CDYL: variants seen among roughly 807,000 people sequenced by gnomAD.
The protein encoded by CDYL is chromodomain Y-like protein.
In CDYL, 8 loss-of-function variants were observed where a neutral mutation model predicts 47.3. The ratio of observed to expected loss-of-function variants is 0.17; its 90% CI spans 0.10 to 0.31. The LOEUF is 0.31. Among genes scored for constraint, CDYL ranks in the 10% least tolerant of loss-of-function variants. The probability of loss-of-function intolerance (pLI) is 1.00; values close to 1 mark genes in which losing one functional copy is unlikely to be tolerated. For synonymous variants in CDYL, 266 were observed against 265.0 expected (o/e 1.00, Z -0.04); for missense variants, 471 against 701.4 (o/e 0.67, Z 3.71).
chr6:4,806,501 A>ACC (rs1254037601), intron 1 of CDYL, among the ~76,000 whole-genome samples: 1 of 152,220 alleles, frequency 6.6e-6, no homozygotes, highest in Non-Finnish European at 1.5e-5. Context: ...ATTCTCAAAT[A>ACC]CCACTCCTCC....
chr6:4,750,079 C>A (rs1253746151), intron 3 of CDYL, among the ~76,000 whole-genome samples: 7 of 152,126 alleles, frequency 4.6e-5, no homozygotes, highest in Non-Finnish European at 1.0e-4. Flanking sequence ...TGGCTCACCC[C>A]TGTAATCTCA....
chr6:4,780,396 A>ACC (rs1561847017), intron 1 of CDYL, among the ~76,000 whole-genome samples: 1 of 7,380 alleles, frequency 1.4e-4, no homozygotes, highest in Non-Finnish European at 3.0e-4. Flanking sequence ...ACCCCCGCCT[A>ACC]CGCCCCCCCC....
At chr6:4,839,111 AC>A (rs1174127087) in intron 1 of CDYL, among the ~76,000 whole-genome samples, 4 of 152,090 alleles carry the variant, frequency 2.6e-5, no homozygotes, top group Admixed American at 6.5e-5. Context: ...TTCGATTATG[AC>A]CATCTTGCAG....
At chr6:4,734,837 C>G (rs28360500) in exon 3 of CDYL, 422,928 of 1,613,536 alleles carry the variant, frequency 0.26, 56,668 homozygotes, top group Admixed American at 0.35. Context: ...CAGCCTCCCG[C>G]TTTACAGGTA....
chr6:4,823,609 T>C (rs1161725948), intron 1 of CDYL, among the ~76,000 whole-genome samples: 1 of 152,116 alleles, frequency 6.6e-6, no homozygotes, highest in Non-Finnish European at 1.5e-5. Flanking sequence ...GTAAAATGTA[T>C]GTAACCTAAC....
At chr6:4,800,589 T>C (rs547171685) in intron 1 of CDYL, among the ~76,000 whole-genome samples, 82 of 152,314 alleles carry the variant, frequency 5.4e-4, no homozygotes, top group African/African-American at 1.9e-3. Context: ...GGACTAGAGA[T>C]CTTTCTTTAG....
intron 2 of CDYL, chr6:4,734,714 G>T (rs1188919525): frequency 1.9e-6 from 3 of 1,608,252 alleles, no homozygotes; most frequent in African/African-American, 2.7e-5. Flanking sequence ...GGATGGGGAA[G>T]AGGATGGGTC....
intron 2 of CDYL, among the ~76,000 whole-genome samples, chr6:4,893,695 A>C (rs113853468): frequency 3.8e-5 from 5 of 132,016 alleles, no homozygotes; most frequent in East Asian, 2.0e-4. Flanking sequence ...TCCGTCTCCC[A>C]AAAAAAAAAA....
chr6:4,795,845 C>G (rs1759056781), intron 1 of CDYL, among the ~76,000 whole-genome samples: 2 of 152,004 alleles, frequency 1.3e-5, no homozygotes, highest in South Asian at 4.1e-4. Context: ...GAACATTGAG[C>G]TCGTATTGTT....
intron 3 of CDYL, among the ~76,000 whole-genome samples, chr6:4,756,206 A>G (rs1014973037): frequency 3.9e-5 from 6 of 152,162 alleles, no homozygotes; most frequent in Non-Finnish European, 7.3e-5. Context: ...CCTGTCCTCT[A>G]GTTGACCAGA....
intron 1 of CDYL, among the ~76,000 whole-genome samples, chr6:4,779,248 GC>G (rs145035860): frequency 0.093 from 14,087 of 152,250 alleles, 713 homozygotes; most frequent in Middle Eastern, 0.14. Context: ...GTTGTTAGTT[GC>G]CTTGTTTTGT....
intron 1 of CDYL, among the ~76,000 whole-genome samples, chr6:4,838,721 C>G (rs1189669072): frequency 6.6e-6 from 1 of 151,976 alleles, no homozygotes; most frequent in African/African-American, 2.4e-5. Flanking sequence ...GAGTCTCCCT[C>G]TGTCACCCAG....
At chr6:4,819,104 T>G (rs1380690146) in intron 1 of CDYL, among the ~76,000 whole-genome samples, 1 of 145,272 alleles carries the variant, frequency 6.9e-6, no homozygotes, top group Non-Finnish European at 1.5e-5. Context: ...GCTCTTTTTC[T>G]TTTTAGGTTC....
intron 1 of CDYL, among the ~76,000 whole-genome samples, chr6:4,838,094 C>T (rs1216347541): frequency 6.6e-6 from 1 of 152,114 alleles, no homozygotes; most frequent in Non-Finnish European, 1.5e-5. Flanking sequence ...ATTCTTGATA[C>T]ATTTTTATCA....
intron 3 of CDYL, chr6:4,734,866 T>C (rs1433915360): frequency 6.2e-7 from 1 of 1,613,408 alleles, no homozygotes; most frequent in African/African-American, 1.3e-5. Context: ...TTTCTCCCAG[T>C]GGCAAGCTTG....
chr6:4,720,885 G>A (rs1757355996), intron 2 of CDYL, among the ~76,000 whole-genome samples: 2 of 152,126 alleles, frequency 1.3e-5, no homozygotes, highest in Admixed American at 6.5e-5. Context: ...CAGTATGATA[G>A]CTGTTAATAT....
chr6:4,834,894 G>A (rs1314378839), intron 1 of CDYL, among the ~76,000 whole-genome samples: 2 of 151,768 alleles, frequency 1.3e-5, no homozygotes, highest in Non-Finnish European at 1.5e-5. Flanking sequence ...TATTCTTCAC[G>A]TAGTTCTCGA....
rs144594417 is a variant in CDYL at position 4,811,978 on chromosome 6, G to A, written c.24+35171G>A. On this transcript the variant is annotated intron_variant, in intron 1 of 6. Transcript: ENST00000397588. Reference sequence around the variant, plus strand: ...TCTCCTGTGCCTTTGCTGTCTGCAGGGTGGTCCATGGACTGGCAGCAGCAT... The same window carrying A: ...TCTCCTGTGCCTTTGCTGTCTGCAGAGTGGTCCATGGACTGGCAGCAGCAT... Among the ~76,000 whole-genome samples the A allele has an allele frequency of 1.0e-3, 157 of 152,178 alleles. 1 individual carries two copies. The highest frequency in any genetic ancestry group is 2.7e-3 in the African/African-American group (112 of 41,518).
intron 1 of CDYL, among the ~76,000 whole-genome samples, chr6:4,880,686 C>T (rs1490102214): frequency 6.6e-6 from 1 of 152,220 alleles, no homozygotes; most frequent in Non-Finnish European, 1.5e-5. Flanking sequence ...TCCACATCCT[C>T]ACCAGCATTT....
Sources: allele counts gnomAD v4.1 joint callset (sites outside exome capture counted in the v4.1 genomes callset), GRCh38; gene constraint gnomAD v4.1.1; transcripts MANE v1.5; gene names NCBI Gene and HGNC (gene_info 2026-07-23, HGNC 2026-07-21).